Variants in GPRC6A observed in about 807,000 individuals in gnomAD.
The protein encoded by GPRC6A is G protein-coupled receptor family C group 6 member A.
GPRC6A carries 54 observed loss-of-function variants against 47.0 expected under a neutral mutation model. The ratio of observed to expected loss-of-function variants is 1.15; its 90% CI spans 0.92 to 1.44. GPRC6A has a LOEUF of 1.44. Among genes scored for constraint, GPRC6A ranks in the 40% most tolerant of loss-of-function variants. GPRC6A has a pLI of 0.00. For missense variants in GPRC6A, 1,112 were observed against 1,105.5 expected, an observed-to-expected ratio of 1.01 and a Z score of -0.08; for synonymous variants, 347 against 377.1, an observed-to-expected ratio of 0.92 and a Z score of 0.93.
At chr6:116,820,298 A>G (rs1480204534) in intron 1 of GPRC6A, among the ~76,000 whole-genome samples, 2 of 152,208 alleles carry the variant, frequency 1.3e-5, no homozygotes, top group African/African-American at 4.8e-5. Context: ...AACTGGTACC[A>G]TTCCTTCTGA....
intron 3 of GPRC6A, among the ~76,000 whole-genome samples, chr6:116,802,622 T>C (rs566794329): frequency 6.6e-6 from 1 of 152,236 alleles, no homozygotes; most frequent in Non-Finnish European, 1.5e-5. Context: ...AGAGGAAACA[T>C]CCTTGCCTCT....
intron 3 of GPRC6A, among the ~76,000 whole-genome samples, chr6:116,805,692 A>G (rs2114593364): frequency 6.6e-6 from 1 of 152,232 alleles, no homozygotes; most frequent in Middle Eastern, 3.4e-3. Context: ...CAAAGAGAAG[A>G]AAGGGAAAAA....
chr6:116,818,852 TAAC>T (rs1465645007), intron 1 of GPRC6A, among the ~76,000 whole-genome samples: 1 of 151,264 alleles, frequency 6.6e-6, no homozygotes, highest in Non-Finnish European at 1.5e-5. Flanking sequence ...AATTCACACA[TAAC>T]AATATTAACT....
At chr6:116,799,265 C>G (rs1308376447) in intron 4 of GPRC6A, among the ~76,000 whole-genome samples, 2 of 152,140 alleles carry the variant, frequency 1.3e-5, no homozygotes, top group Non-Finnish European at 2.9e-5. Flanking sequence ...TAATAGTCAT[C>G]AGACTCCCAT....
At chr6:116,820,744 C>A (rs1292254294) in intron 1 of GPRC6A, among the ~76,000 whole-genome samples, 1 of 151,416 alleles carries the variant, frequency 6.6e-6, no homozygotes, top group Admixed American at 6.6e-5. Context: ...AAACCCACAG[C>A]CAATATCATA....
At chr6:116,803,073 C>A (rs917295078) in intron 3 of GPRC6A, among the ~76,000 whole-genome samples, 1 of 152,014 alleles carries the variant, frequency 6.6e-6, no homozygotes, top group African/African-American at 2.4e-5. Flanking sequence ...ATTTCTTACT[C>A]CCACCAGACC....
intron 1 of GPRC6A, among the ~76,000 whole-genome samples, chr6:116,817,023 G>A (rs561408191): frequency 1.3e-5 from 2 of 152,210 alleles, no homozygotes; most frequent in African/African-American, 4.8e-5. Context: ...CTTGAACTGG[G>A]TGGAGCCCAC....
chr6:116,813,365 A>C (rs1309706841), intron 1 of GPRC6A, among the ~76,000 whole-genome samples: 1 of 152,206 alleles, frequency 6.6e-6, no homozygotes, highest in East Asian at 1.9e-4. Flanking sequence ...CTATACTACA[A>C]GGCTACAGTA....
intron 1 of GPRC6A, among the ~76,000 whole-genome samples, chr6:116,813,717 A>G (rs922353956): frequency 2.6e-5 from 4 of 152,246 alleles, no homozygotes; most frequent in Non-Finnish European, 5.9e-5. Flanking sequence ...TCATGACTAA[A>G]ACACCAAAAG....
intron 1 of GPRC6A, among the ~76,000 whole-genome samples, chr6:116,827,242 T>C (rs1020200948): frequency 2.0e-5 from 3 of 151,928 alleles, no homozygotes; most frequent in African/African-American, 7.2e-5. Flanking sequence ...ATAATCAAAG[T>C]GGTGGACACC....
chr6:116,806,313 G>A (rs1772833766), intron 3 of GPRC6A, 57 bp downstream of exon 3: 1 of 1,081,086 alleles, frequency 9.2e-7, no homozygotes, highest in East Asian at 2.4e-5. Context: ...TTAAAACAAG[G>A]GAGGAAATGG....
At chr6:116,812,961 A>T (rs2203192) in intron 1 of GPRC6A, among the ~76,000 whole-genome samples, 112,134 of 151,958 alleles carry the variant, frequency 0.74, 41,591 homozygotes, top group Middle Eastern at 0.84. Context: ...CTATACACCA[A>T]TAACAGACAA....
Position 116,806,488 on chromosome 6 carries a change from T to C in GPRC6A, c.1217A>G (p.Tyr406Cys). 1 of 1,613,590 alleles carries C rather than the reference T, an allele frequency of 6.2e-7. No homozygotes were observed. Among genetic ancestry groups the C allele is most frequent in the Non-Finnish European group, 8.5e-7 (1 of 1,179,724 alleles). The change falls in exon 3 of 6, where the codon TAT (tyrosine) becomes TGT (cysteine). Residue 406 changes from tyrosine (Y) to cysteine (C), a missense_variant. Tyr to Cys is a radical substitution (Grantham distance 194). Transcript: ENST00000310357. ...ACTATGAATGAGTCCTGGCTCAGCA[T>C]AGTCCCAGAGGAAGTCATTTCTCAT... ...FVMRNDFLWD[Y>C]AEPGLIHSIQ...
intron 1 of GPRC6A, among the ~76,000 whole-genome samples, chr6:116,818,300 C>T (rs76561486): frequency 1.7e-4 from 26 of 151,164 alleles, no homozygotes; most frequent in East Asian, 1.2e-3. Flanking sequence ...TTTGGGAGGC[C>T]GAGGCGGGCG....
At position 116,807,038 on chromosome 6, in the gene GPRC6A, A is replaced by G; in HGVS notation, c.667T>C (p.Leu223=). The G allele has an allele frequency of 1.2e-6, 2 of 1,613,826 alleles. No homozygotes were observed. The highest frequency in any genetic ancestry group is 1.1e-5 in the South Asian group (1 of 91,064). ...IITTDDDYGR[L]ALNTFIIQAE... ...TGAATTATAAAAGTGTTAAGAGCCA[A>G]TCGTCCATAGTCATCATCTGTGGTT... Residue 223 remains leucine (L), a synonymous_variant, in exon 3 of 6, where the codon TTG becomes CTG. Transcript: ENST00000310357.
intron 3 of GPRC6A, among the ~76,000 whole-genome samples, chr6:116,803,739 T>C (rs747396063): frequency 1.3e-5 from 2 of 152,162 alleles, no homozygotes; most frequent in Non-Finnish European, 2.9e-5. Context: ...TCTGGGACTT[T>C]GCTGGAATAT....
At position 116,806,860 on chromosome 6, in the gene GPRC6A, T is replaced by C. The variant is rs144964096; in HGVS notation, c.845A>G (p.His282Arg). ...GGCTTTATTGAAGAGATCAAAAACA[T>C]GGAATTGCCTCAGAAATACCACAAT... ...NVIVVFLRQF[H>R]VFDLFNKAIE... The change falls in exon 3 of 6, where the codon CAT becomes CGT. Residue 282 changes from histidine to arginine, a missense_variant. His to Arg is a conservative substitution (Grantham distance 29, BLOSUM62 0). Coordinates refer to ENST00000310357, the MANE Select transcript of GPRC6A (RefSeq NM_148963.4). 1.8e-3 allele frequency: 2,939 copies of C among 1,613,484 alleles called. 13 individuals carry two copies. The highest frequency in any genetic ancestry group is 1.7e-3 in the Admixed American group (102 of 59,900).
rs1346418747 is a variant in GPRC6A at position 116,809,607 on chromosome 6, A to G, written c.205T>C (p.Ser69Pro). The part of the protein sequence containing the change: ...QIQECVGFEI[S>P]VFLQTLAMIH... The stretch of plus-strand genomic sequence containing the variant: ...ATGGCAAGAGTTTGAAGAAAAACTG[A>G]TATTTCAAAGCTGTTGGGAAACAAG... Residue 69 changes from serine to proline, a missense_variant, in exon 2 of 6, where the codon TCA becomes CCA. Ser to Pro is a moderately conservative substitution (Grantham distance 74). Coordinates refer to ENST00000310357, the MANE Select transcript of GPRC6A (RefSeq NM_148963.4). 5 of 1,606,276 alleles carry G rather than the reference A, an allele frequency of 3.1e-6. No homozygotes were observed. The South Asian group carries it at 4.4e-5, about 14-fold the overall frequency.
intron 1 of GPRC6A, among the ~76,000 whole-genome samples, chr6:116,821,273 G>C (rs1773464750): frequency 6.6e-6 from 1 of 152,062 alleles, no homozygotes; most frequent in Non-Finnish European, 1.5e-5. Flanking sequence ...TTGTGAAAAT[G>C]GCCATACTGC....
Sources: gnomAD v4.1 joint callset for allele counts (sites outside exome capture counted in the v4.1 genomes callset) on GRCh38, gnomAD v4.1.1 for gene constraint, MANE v1.5 for transcripts, NCBI Gene and HGNC (gene_info 2026-07-23, HGNC 2026-07-21) for gene names.